MAPK10: variants seen among roughly 807,000 people sequenced by gnomAD.
The protein encoded by MAPK10 is mitogen-activated protein kinase 10, also known as JNK3 alpha protein kinase.
A neutral mutation model predicts 59.3 loss-of-function variants in MAPK10; 25 were observed. The ratio of observed to expected loss-of-function variants is 0.42; its 90% CI spans 0.31 to 0.59. MAPK10 has a LOEUF of 0.59. Ranked by LOEUF, MAPK10 falls within the 20% of genes least tolerant of loss-of-function variation. The pLI, the probability that MAPK10 is intolerant of heterozygous loss-of-function variation, is 0.15. For missense variants in MAPK10, 351 were observed against 568.9 expected, an observed-to-expected ratio of 0.62 and a Z score of 3.90; for synonymous variants, 190 against 200.5, an observed-to-expected ratio of 0.95 and a Z score of 0.44.
chr4:86,493,510 C>G (rs990488519), intron 1 of MAPK10, among the ~76,000 whole-genome samples: 2 of 152,042 alleles, frequency 1.3e-5, no homozygotes, highest in African/African-American at 2.4e-5. Flanking sequence ...TTACTTTGTC[C>G]TGGATTCTAG....
chr4:86,570,135 T>C (rs926615247), intron 1 of MAPK10, among the ~76,000 whole-genome samples: 2 of 152,124 alleles, frequency 1.3e-5, no homozygotes, highest in Admixed American at 6.6e-5. Context: ...ATGTGCCAGG[T>C]AGTGTGTTGC....
chr4:86,513,375 A>G (rs4298106), intron 1 of MAPK10, among the ~76,000 whole-genome samples: 151,325 of 152,328 alleles, frequency 0.99, 75,181 homozygotes, highest in Middle Eastern at 1. Context: ...CACCTAGTAG[A>G]TGACTTTGGC....
intron 3 of MAPK10, among the ~76,000 whole-genome samples, chr4:86,169,419 A>G (rs1486846661): frequency 6.6e-6 from 1 of 152,252 alleles, no homozygotes. Context: ...TGAAGAATGC[A>G]GAAGCCTCAG....
chr4:86,412,048 T>G (rs1018120733), intron 1 of MAPK10, among the ~76,000 whole-genome samples: 2 of 152,228 alleles, frequency 1.3e-5, no homozygotes, highest in African/African-American at 4.8e-5. Context: ...CGGTTGTCCC[T>G]TTCCATGTTT....
intron 4 of MAPK10, among the ~76,000 whole-genome samples, chr4:86,127,031 C>T (rs2060183625): frequency 6.6e-6 from 1 of 151,984 alleles, no homozygotes; most frequent in African/African-American, 2.4e-5. Context: ...ATCCATACCT[C>T]ATCATCCTCA....
rs71657575 is a variant in MAPK10, at chr4:86,551,528, T to TTTCCTTCC, written c.-263+42374_-263+42381dup. 3.9e-5 allele frequency among the ~76,000 whole-genome samples: 6 copies of TTTCCTTCC among 152,112 alleles called. No individual in the cohort carries two copies. The East Asian group carries it at 9.7e-4, about 24-fold the overall frequency. On this transcript the variant is annotated intron_variant, in intron 1 of 4. Coordinates refer to the MAPK10 transcript ENST00000502302. ...CCTTCCTTGTTTTCTTCCTTCCATC[T>TTTCCTTCC]TTCCTTCCTTCCTTCCTTCCTTCTT...
At chr4:86,282,115 A>C (rs943752268) in intron 2 of MAPK10, among the ~76,000 whole-genome samples, 1 of 152,196 alleles carries the variant, frequency 6.6e-6, no homozygotes, top group Non-Finnish European at 1.5e-5. Context: ...GCCTTTCAAG[A>C]AAAACTCTTA....
chr4:86,551,805 A>G lies in MAPK10; in HGVS notation c.-263+42105T>C, dbSNP rs1055726932. On this transcript the variant is annotated intron_variant, in intron 1 of 4. Transcript: ENST00000502302. ...TTTTTAGTAGAGACAAGGTTTCCCC[A>G]TGCTGGCCAGGCTGGTCTCGAATAC... Among the ~76,000 whole-genome samples the G allele has an allele frequency of 9.2e-5, 14 of 152,254 alleles. 1 individual carries two copies. The highest frequency in any genetic ancestry group is 6.5e-4 in the Admixed American group (10 of 15,294).
chr4:86,468,781 G>A (rs1451052365), intron 1 of MAPK10, among the ~76,000 whole-genome samples: 1 of 152,142 alleles, frequency 6.6e-6, no homozygotes, highest in African/African-American at 2.4e-5. Context: ...TTGAACCCAG[G>A]AGGCAGAGGT....
chr4:86,238,436 G>A (rs2092452119), intron 2 of MAPK10, among the ~76,000 whole-genome samples: 1 of 152,006 alleles, frequency 6.6e-6, no homozygotes, highest in Admixed American at 6.6e-5. Flanking sequence ...ATTACTTTGG[G>A]CAGTATGGCC....
chr4:86,359,510 A>C (rs1337969317), intron 1 of MAPK10, 148 bp downstream of exon 1: 1 of 192,426 alleles, frequency 5.2e-6, no homozygotes, highest in African/African-American at 2.4e-5. Flanking sequence ...TCTTGCTTCA[A>C]AGCTAGTTCA....
At chr4:86,486,299 T>G (rs2149073104) in intron 1 of MAPK10, among the ~76,000 whole-genome samples, 1 of 152,170 alleles carries the variant, frequency 6.6e-6, no homozygotes, top group South Asian at 2.1e-4. Context: ...ACTCAATCTC[T>G]AAAACATACA....
At position 86,035,545 on chromosome 4, in the gene MAPK10, A is replaced by C. The variant is rs1047079020; in HGVS notation, c.1111-4114T>G. Among the ~76,000 whole-genome samples the C allele has an allele frequency of 2.0e-5, 3 of 151,960 alleles. No homozygotes were observed. In the South Asian group the frequency reaches 6.2e-4, roughly 32 times the overall value. ...AGGGAGCCATTGCACGATCTATAAA[A>C]AAATATTGAAAGTTCTGACTGCGGT... is the stretch of plus-strand genomic sequence containing the variant. On this transcript the variant is annotated intron_variant, in intron 11 of 13. Coordinates refer to ENST00000641462, the MANE Select transcript of MAPK10 (RefSeq NM_138982.4).
intron 11 of MAPK10, among the ~76,000 whole-genome samples, chr4:86,061,251 T>C (rs1435906740): frequency 6.6e-6 from 1 of 152,192 alleles, no homozygotes; most frequent in Non-Finnish European, 1.5e-5. Context: ...ATTACATTTG[T>C]GTGTAATATA....
At chr4:86,156,398 T>C (rs2067780966) in intron 4 of MAPK10, among the ~76,000 whole-genome samples, 1 of 152,056 alleles carries the variant, frequency 6.6e-6, no homozygotes, top group Non-Finnish European at 1.5e-5. Flanking sequence ...CTTACAGTTT[T>C]CTGTAAATAT....
At position 86,305,465 on chromosome 4, in the gene MAPK10, G is replaced by A. The variant is rs140839140; in HGVS notation, c.-7+49065C>T. On this transcript the variant is annotated intron_variant, in intron 2 of 13. Transcript: ENST00000641462. ...AAAACTATTAAGAATCTAAGAAAAGGTAATCCTGAAATATAGTGGTACGGC... is the reference window on the plus strand; with the variant it reads ...AAAACTATTAAGAATCTAAGAAAAGATAATCCTGAAATATAGTGGTACGGC... Among the ~76,000 whole-genome samples the A allele has an allele frequency of 6.4e-3, 973 of 152,162 alleles. 9 individuals are homozygous for A. The highest frequency in any genetic ancestry group is 0.021 in the African/African-American group (876 of 41,500).
At chr4:86,574,941 T>C (rs886128553) in intron 1 of MAPK10, among the ~76,000 whole-genome samples, 1 of 152,188 alleles carries the variant, frequency 6.6e-6, no homozygotes, top group African/African-American at 2.4e-5. Flanking sequence ...TGTGCCAAAG[T>C]GTGCACAAAT....
At chr4:86,061,164 C>A (rs2045683661) in intron 11 of MAPK10, among the ~76,000 whole-genome samples, 2 of 152,084 alleles carry the variant, frequency 1.3e-5, no homozygotes, top group South Asian at 4.1e-4. Flanking sequence ...TTGATCAAAG[C>A]AAATTAGTAA....
chr4:86,260,948 C>A (rs1375130841), intron 2 of MAPK10, among the ~76,000 whole-genome samples: 1 of 151,940 alleles, frequency 6.6e-6, no homozygotes, highest in African/African-American at 2.4e-5. Flanking sequence ...GTTTACTGTC[C>A]AGTGGGGATA....
Sources: gnomAD v4.1 joint callset for allele counts (sites outside exome capture counted in the v4.1 genomes callset) on GRCh38, gnomAD v4.1.1 for gene constraint, MANE v1.5 for transcripts, NCBI Gene and HGNC (gene_info 2026-07-23, HGNC 2026-07-21) for gene names.